ORC2: variants seen among roughly 807,000 people sequenced by gnomAD.
ORC2 encodes origin recognition complex protein 2 homolog.
Under a neutral mutation model 77.7 loss-of-function variants are expected in ORC2, and 37 were observed. The ratio of observed to expected loss-of-function variants is 0.48; its 90% confidence interval spans 0.37 to 0.63. The LOEUF is 0.63. Among genes scored for constraint, ORC2 ranks in the 20% least tolerant of loss-of-function variants. The probability of loss-of-function intolerance (pLI) is 0.00; values close to 1 mark genes in which losing one functional copy is unlikely to be tolerated. For missense variants in ORC2, 557 were observed against 661.9 expected (o/e 0.84, Z 1.74); for synonymous variants, 201 against 229.5 (o/e 0.88, Z 1.12).
At chr2:200,923,804 C>T (rs1271349114) in intron 13 of ORC2, among the ~76,000 whole-genome samples, 2 of 152,126 alleles carry the variant, frequency 1.3e-5, no homozygotes, top group South Asian at 2.1e-4. Context: ...ACTGTGAAAA[C>T]GATGCTTGTT....
rs368644038 is a variant in ORC2, at chr2:200,913,958, C to G, written c.1501G>C (p.Asp501His). 6.3e-7 allele frequency: 1 copy of G among 1,586,726 alleles called. No homozygotes were observed. The highest frequency in any genetic ancestry group is 8.5e-7 in the Non-Finnish European group (1 of 1,170,354). ...IFRLLIKYQL[D>H]NQDNPSYIGL... Reference sequence around the variant, plus strand: ...ATGTAAGAAGGGTTATCCTGGTTGTCCAGCTGGTATTTTATTAGTAGCCTG... The same window carrying G: ...ATGTAAGAAGGGTTATCCTGGTTGTGCAGCTGGTATTTTATTAGTAGCCTG... Residue 501 changes from aspartate to histidine, a missense_variant, in exon 16 of 18, where the codon GAC (aspartate) becomes CAC (histidine). Transcript: ENST00000234296.
rs774644972 is a variant in ORC2, at chr2:200,910,069, A to G, written c.*1232T>C. 27 of 152,178 alleles carry G rather than the reference A, an allele frequency of 1.8e-4. No homozygotes were observed. Among genetic ancestry groups the G allele is most frequent in the Non-Finnish European group, 3.1e-4 (21 of 68,030 alleles). The allele number at this position is 152,178 out of a possible 1,614,324, so 9.4% of individuals were successfully genotyped here. A position where few individuals can be genotyped will look rare whatever the true frequency, so the allele number is the denominator to read the frequency against. On this transcript the variant is annotated 3_prime_UTR_variant, in exon 18 of 18. Transcript: ENST00000234296. ...TAAGCCATTATGCCTGGCCAAAATT[A>G]CTTAATTATATGCCACAAGAAAAAT...
intron 2 of ORC2, among the ~76,000 whole-genome samples, chr2:200,958,374 G>A (rs1028315036): frequency 6.6e-6 from 1 of 152,068 alleles, no homozygotes; most frequent in African/African-American, 2.4e-5. Flanking sequence ...TCCAATCAAG[G>A]TAGCTAAAAT....
At chr2:200,942,533 A>G (rs541128119) in intron 6 of ORC2, 152 bp downstream of exon 6, 30 of 486,874 alleles carry the variant, frequency 6.2e-5, no homozygotes, top group African/African-American at 5.9e-4. Flanking sequence ...ATACTAAGGT[A>G]CATGAGTTGA....
intron 4 of ORC2, among the ~76,000 whole-genome samples, chr2:200,952,663 CTG>C (rs1278683935): frequency 6.6e-6 from 1 of 151,926 alleles, no homozygotes; most frequent in Non-Finnish European, 1.5e-5. Flanking sequence ...GAATGAGAAA[CTG>C]TAAAAGATTT....
At chr2:200,918,286 T>C (rs536214496) in intron 15 of ORC2, among the ~76,000 whole-genome samples, 3 of 152,244 alleles carry the variant, frequency 2.0e-5, no homozygotes, top group Admixed American at 2.0e-4. Flanking sequence ...TTCTGTTGTA[T>C]TGAGATGTTT....
rs537130812 is a variant in ORC2 at position 200,910,314 on chromosome 2, C to T, written c.*987G>A. The T allele has an allele frequency of 4.6e-5, 7 of 151,942 alleles. No individual in the cohort carries two copies. Among genetic ancestry groups the T allele is most frequent in the African/African-American group, 7.2e-5 (3 of 41,428 alleles). 9.4% of individuals were successfully genotyped at this position (151,942 alleles called of 1,614,324 possible). On this transcript the variant is annotated 3_prime_UTR_variant, in exon 18 of 18. Transcript: ENST00000234296. ...TTTTTCTTTCCTAAGAAAAAAGTCT[C>T]GCGCAAATATTCAGGAGGTTTGAAA...
At chr2:200,946,406 ATACT>A in intron 5 of ORC2, among the ~76,000 whole-genome samples, 1 of 152,214 alleles carries the variant, frequency 6.6e-6, no homozygotes, top group East Asian at 1.9e-4. Context: ...ATTAGCAACA[ATACT>A]TAATGAGTCA....
intron 10 of ORC2, among the ~76,000 whole-genome samples, chr2:200,933,228 T>G (rs1049406607): frequency 5.6e-5 from 8 of 143,134 alleles, no homozygotes; most frequent in African/African-American, 1.9e-4. Context: ...TGTATGGTAT[T>G]TTTTTTTTTT....
intron 7 of ORC2, 114 bp from the exon 8 acceptor site, chr2:200,938,080 C>T (rs1309980293): frequency 1.9e-5 from 12 of 642,636 alleles, no homozygotes; most frequent in Non-Finnish European, 3.3e-5. Context: ...TGCATTAGAA[C>T]TAGATGAGCT....
At position 200,935,896 on chromosome 2, in the gene ORC2, T is replaced by G. The variant is rs753044903; in HGVS notation, c.515-4A>C. On this transcript the variant is annotated splice_region_variant and splice_polypyrimidine_tract_variant and intron_variant, in intron 8 of 17. Coordinates refer to ENST00000234296, the MANE Select transcript of ORC2 (RefSeq NM_006190.5). ...CTGTCAGAATGAGACCTTGGAACTG[T>G]GGGGGGAAAAATAGCAATTTGGACA... 2 of 1,608,622 alleles carry G rather than the reference T, an allele frequency of 1.2e-6. No homozygotes were observed. Among genetic ancestry groups the G allele is most frequent in the Admixed American group, 1.7e-5 (1 of 58,556 alleles).
At chr2:200,935,235 G>C (rs1321058352) in intron 9 of ORC2, among the ~76,000 whole-genome samples, 6 of 152,182 alleles carry the variant, frequency 3.9e-5, no homozygotes, top group Non-Finnish European at 5.9e-5. Flanking sequence ...CAATTCTCCT[G>C]CTTCAGCCTC....
At chr2:200,919,381 A>G (rs2040717218) in intron 15 of ORC2, among the ~76,000 whole-genome samples, 1 of 151,574 alleles carries the variant, frequency 6.6e-6, no homozygotes, top group South Asian at 2.1e-4. Flanking sequence ...TTTTTTTGAG[A>G]CAGAGATTGC....
At chr2:200,950,622 TGAA>T (rs1299923076) in intron 4 of ORC2, among the ~76,000 whole-genome samples, 7 of 152,214 alleles carry the variant, frequency 4.6e-5, no homozygotes, top group East Asian at 1.9e-4. Context: ...ATGGAATGCG[TGAA>T]GAAGAAAATC....
At chr2:200,940,627 C>A (rs896564229) in intron 7 of ORC2, among the ~76,000 whole-genome samples, 1 of 151,590 alleles carries the variant, frequency 6.6e-6, no homozygotes, top group African/African-American at 2.4e-5. Flanking sequence ...CATGGTGAAG[C>A]CTTGCCTCTA....
chr2:200,946,470 T>C (rs2041251616), intron 5 of ORC2, among the ~76,000 whole-genome samples: 1 of 152,234 alleles, frequency 6.6e-6, no homozygotes, highest in Non-Finnish European at 1.5e-5. Flanking sequence ...ATAGAAAGTC[T>C]GATCAGTCTG....
At chr2:200,920,134 T>G in intron 15 of ORC2, 88 bp downstream of exon 15, 1 of 922,350 alleles carries the variant, frequency 1.1e-6, no homozygotes, top group Non-Finnish European at 1.6e-6. Flanking sequence ...TTCAACTAAC[T>G]AGGGACTTCA....
chr2:200,942,624 A>G (rs2041174098), intron 6 of ORC2, 61 bp downstream of exon 6: 8 of 793,702 alleles, frequency 1.0e-5, no homozygotes, highest in Non-Finnish European at 1.6e-5. Flanking sequence ...GAAAAAAGTA[A>G]CATGCTCTAT....
chr2:200,927,071 T>G (rs2040849683), intron 11 of ORC2, among the ~76,000 whole-genome samples, 171 bp from the exon 12 acceptor site: 1 of 152,122 alleles, frequency 6.6e-6, no homozygotes, highest in South Asian at 2.1e-4. Context: ...AAAAAAGTTT[T>G]TCATGTATGT....
Sources: allele counts gnomAD v4.1 joint callset (sites outside exome capture counted in the v4.1 genomes callset), GRCh38; gene constraint gnomAD v4.1.1; transcripts MANE v1.5; gene names NCBI Gene and HGNC (gene_info 2026-07-23, HGNC 2026-07-21).